Variants in ZNF521 observed in about 807,000 individuals in gnomAD.
ZNF521 encodes the protein zinc finger protein 521.
In ZNF521, 14 loss-of-function variants were observed where a neutral mutation model predicts 105.5. The ratio of observed to expected loss-of-function variants is 0.13; its 90% CI spans 0.09 to 0.21. The LOEUF (loss-of-function observed/expected upper bound fraction) is 0.21. Ranked by LOEUF, ZNF521 falls within the 10% of genes least tolerant of loss-of-function variation. The pLI, the probability that ZNF521 is intolerant of heterozygous loss-of-function variation, is 1.00. For synonymous variants in ZNF521, 635 were observed against 606.0 expected (o/e 1.05, Z -0.70); for missense variants, 1,233 against 1,629.7 (o/e 0.76, Z 4.19).
At chr18:25,305,353 T>C (rs967746326) in intron 3 of ZNF521, among the ~76,000 whole-genome samples, 3 of 152,234 alleles carry the variant, frequency 2.0e-5, no homozygotes, top group Non-Finnish European at 4.4e-5. Flanking sequence ...CATAGATAAT[T>C]CTGTGTTACT....
intron 2 of ZNF521, among the ~76,000 whole-genome samples, chr18:25,324,014 G>C (rs955234444): frequency 6.6e-6 from 1 of 151,882 alleles, no homozygotes; most frequent in Non-Finnish European, 1.5e-5. Context: ...AAGTACATTG[G>C]TAATTTGGGC....
At chr18:25,270,993 T>C (rs113488758) in intron 3 of ZNF521, among the ~76,000 whole-genome samples, 1,688 of 152,298 alleles carry the variant, frequency 0.011, 31 homozygotes, top group African/African-American at 0.039. Context: ...TTGTCTCTGT[T>C]TGCTATTACA....
intron 5 of ZNF521, among the ~76,000 whole-genome samples, chr18:25,186,433 C>T (rs979597165): frequency 7.2e-5 from 11 of 152,120 alleles, no homozygotes; most frequent in African/African-American, 1.2e-4. Flanking sequence ...AGTATCTAAG[C>T]TTTTTCTAAC....
intron 3 of ZNF521, among the ~76,000 whole-genome samples, chr18:25,253,901 G>T (rs1024158914): frequency 2.0e-5 from 3 of 152,014 alleles, no homozygotes; most frequent in Non-Finnish European, 4.4e-5. Context: ...CACTTCTCTT[G>T]GATAATTTTT....
Position 25,340,986 on chromosome 18 carries a change from T to C in ZNF521, c.40+9921A>G, listed in dbSNP as rs548224225. Among the ~76,000 whole-genome samples, 9 of 152,344 alleles carry C rather than the reference T, an allele frequency of 5.9e-5. No individual in the cohort carries two copies. In the South Asian group the frequency reaches 1.9e-3, roughly 32 times the overall value. On this transcript the variant is annotated intron_variant, in intron 2 of 7. Coordinates refer to ENST00000361524, the MANE Select transcript of ZNF521 (RefSeq NM_015461.3). ...TGATGCAATAGTTATGTAAATGACC[T>C]ATATGATGTTGGAGGAGGCAAAAGG...
At chr18:25,140,944 A>G (rs1318752976) in intron 5 of ZNF521, among the ~76,000 whole-genome samples, 1 of 152,178 alleles carries the variant, frequency 6.6e-6, no homozygotes, top group Non-Finnish European at 1.5e-5. Flanking sequence ...AAGCGGCAAA[A>G]AGCAGAAACA....
At chr18:25,100,073 T>C (rs1215510744) in intron 5 of ZNF521, among the ~76,000 whole-genome samples, 1 of 151,914 alleles carries the variant, frequency 6.6e-6, no homozygotes, top group African/African-American at 2.4e-5. Flanking sequence ...GTCAGGGCCT[T>C]TTCTTTTTTT....
chr18:25,345,948 T>A (rs191013127), intron 2 of ZNF521, among the ~76,000 whole-genome samples: 93 of 152,310 alleles, frequency 6.1e-4, no homozygotes, highest in Non-Finnish European at 1.2e-3. Flanking sequence ...GTATGCCAAT[T>A]AGTATTTTTG....
chr18:25,153,021 G>A (rs2035077431), intron 5 of ZNF521, among the ~76,000 whole-genome samples: 1 of 152,078 alleles, frequency 6.6e-6, no homozygotes. Context: ...TAAACCCTGT[G>A]ATCTTTATAA....
intron 5 of ZNF521, among the ~76,000 whole-genome samples, chr18:25,184,446 G>C (rs969928184): frequency 6.6e-6 from 1 of 152,106 alleles, no homozygotes; most frequent in Non-Finnish European, 1.5e-5. Flanking sequence ...GTTCTCAGTG[G>C]AGACTCTTGC....
intron 4 of ZNF521, among the ~76,000 whole-genome samples, chr18:25,219,993 T>C (rs1350825106): frequency 6.6e-6 from 1 of 152,144 alleles, no homozygotes; most frequent in African/African-American, 2.4e-5. Flanking sequence ...CTCCTGTCCC[T>C]TGGATACACT....
chr18:25,077,229 AG>A (rs1467221656), intron 7 of ZNF521, among the ~76,000 whole-genome samples: 1 of 152,218 alleles, frequency 6.6e-6, no homozygotes, highest in Non-Finnish European at 1.5e-5. Flanking sequence ...CAAACACTGA[AG>A]GGAAGAAAGA....
intron 3 of ZNF521, among the ~76,000 whole-genome samples, chr18:25,303,301 TGTGTGTGTGAGAGA>T (rs1214893736): frequency 8.8e-6 from 1 of 113,374 alleles, no homozygotes; most frequent in Non-Finnish European, 1.8e-5. Context: ...TGTGTGTGTG[TGTGTGTGTGAGAGA>T]GAGACGGAGT....
intron 3 of ZNF521, among the ~76,000 whole-genome samples, chr18:25,247,652 C>T (rs560042011): frequency 2.1e-4 from 32 of 152,236 alleles, no homozygotes; most frequent in African/African-American, 6.7e-4. Flanking sequence ...AAGTAGAGCC[C>T]GATCATGATG....
rs536808457 is a variant in ZNF521 at position 25,279,976 on chromosome 18, C to T, written c.220+42032G>A. On this transcript the variant is annotated intron_variant, in intron 3 of 7. Transcript: ENST00000361524. The stretch of plus-strand genomic sequence containing the variant: ...CATAATGTCACAAACTGCAGTGATA[C>T]GATATATTGATAAAGGATATGATAT... 9.9e-5 allele frequency among the ~76,000 whole-genome samples: 15 copies of T among 152,198 alleles called. No individual in the cohort carries two copies. The South Asian group carries it at 2.5e-3, about 25-fold the overall frequency.
intron 3 of ZNF521, among the ~76,000 whole-genome samples, chr18:25,314,253 G>A (rs1334595458): frequency 2.0e-5 from 3 of 152,168 alleles, no homozygotes; most frequent in South Asian, 2.1e-4. Flanking sequence ...GCTTCATTCT[G>A]TAAACTACTC....
At chr18:25,181,417 C>T (rs577763435) in intron 5 of ZNF521, among the ~76,000 whole-genome samples, 128 of 152,248 alleles carry the variant, frequency 8.4e-4, no homozygotes, top group Non-Finnish European at 1.5e-3. Flanking sequence ...CGGGAAATGA[C>T]AAGCAATGGA....
chr18:25,237,466 G>A (rs183544614), intron 3 of ZNF521, among the ~76,000 whole-genome samples: 3 of 151,988 alleles, frequency 2.0e-5, no homozygotes, highest in Admixed American at 6.6e-5. Flanking sequence ...CATATTATCT[G>A]AGATGATACA....
intron 3 of ZNF521, among the ~76,000 whole-genome samples, chr18:25,300,097 A>G (rs1037766563): frequency 2.0e-5 from 3 of 152,176 alleles, no homozygotes; most frequent in African/African-American, 7.2e-5. Context: ...CCTTCTTGGA[A>G]CCTAGACCCA....
Sources: allele counts gnomAD v4.1 joint callset (sites outside exome capture counted in the v4.1 genomes callset), GRCh38; gene constraint gnomAD v4.1.1; transcripts MANE v1.5; gene names NCBI Gene and HGNC (gene_info 2026-07-23, HGNC 2026-07-21).